The following IGSF5 variants were observed in gnomAD, a reference collection of about 807,000 sequenced individuals.
IGSF5 encodes immunoglobulin superfamily member 5.
In IGSF5, 41 loss-of-function variants were observed where a neutral mutation model predicts 39.4. That is an observed-to-expected ratio of 1.04 (90% CI 0.81 to 1.35). The LOEUF (loss-of-function observed/expected upper bound fraction) is 1.35, where lower values mean the gene tolerates loss of function less well. Ranked by LOEUF, IGSF5 falls within the 40% of genes most tolerant of loss-of-function variation. The pLI is 0.00. For missense variants in IGSF5, 487 were observed against 494.6 expected (o/e 0.98, Z 0.15); for synonymous variants, 183 against 175.3 (o/e 1.04, Z -0.34).
chr21:39,767,946 A>C (rs529842755), intron 3 of IGSF5, among the ~76,000 whole-genome samples: 4 of 152,382 alleles, frequency 2.6e-5, no homozygotes, highest in African/African-American at 9.6e-5. Flanking sequence ...AGGGAAACAC[A>C]GGATCACAGG....
At chr21:39,752,139 C>A (rs2080008723) in intron 2 of IGSF5, among the ~76,000 whole-genome samples, 1 of 152,064 alleles carries the variant, frequency 6.6e-6, no homozygotes, top group Non-Finnish European at 1.5e-5. Context: ...GTACACTGTG[C>A]CTAATATGTA....
chr21:39,716,834 A>G, the IGSF5 span, among the ~76,000 whole-genome samples: 1 of 152,172 alleles, frequency 6.6e-6, no homozygotes, highest in Non-Finnish European at 1.5e-5. Flanking sequence ...TTTATGGCAG[A>G]ATTATTTATA....
chr21:39,798,098 T>C (rs534144221), intron 8 of IGSF5, among the ~76,000 whole-genome samples: 1 of 152,278 alleles, frequency 6.6e-6, no homozygotes, highest in South Asian at 2.1e-4. Flanking sequence ...AGATTTATGG[T>C]CTTCACCTCT....
the IGSF5 span, among the ~76,000 whole-genome samples, chr21:39,726,253 A>G: frequency 1.3e-5 from 2 of 152,168 alleles, no homozygotes; most frequent in East Asian, 3.9e-4. Flanking sequence ...AGTTTTCTCC[A>G]TGATTTAGCC....
chr21:39,745,376 A>G lies in IGSF5; in HGVS notation c.-134A>G. ...AGGGCTTCCTTAGATCCCTTTGGAG[A>G]TACAACCTGCTAGAGGAAATGAAAG... is the stretch of plus-strand genomic sequence containing the variant. On this transcript the variant is annotated 5_prime_UTR_variant, in exon 1 of 9. Coordinates refer to ENST00000380588, the MANE Select transcript of IGSF5 (RefSeq NM_001080444.2). The G allele has an allele frequency of 1.6e-6, 1 of 613,328 alleles. No homozygotes were observed. The highest frequency in any genetic ancestry group is 1.8e-5 in the South Asian group (1 of 55,242). The allele number at this position is 613,328 out of a possible 1,614,324, so 38.0% of individuals were successfully genotyped here.
chr21:39,728,966 T>G, the IGSF5 span, among the ~76,000 whole-genome samples: 1 of 152,182 alleles, frequency 6.6e-6, no homozygotes, highest in Non-Finnish European at 1.5e-5. Flanking sequence ...TCTACATTCT[T>G]TCTAAATACC....
intron 2 of IGSF5, among the ~76,000 whole-genome samples, chr21:39,761,898 C>T (rs911385425): frequency 6.6e-6 from 1 of 152,120 alleles, no homozygotes; most frequent in Non-Finnish European, 1.5e-5. Flanking sequence ...GAACTCCTGG[C>T]CTCAAGTGAT....
At chr21:39,716,033 A>C in the IGSF5 span, among the ~76,000 whole-genome samples, 1 of 152,202 alleles carries the variant, frequency 6.6e-6, no homozygotes, top group Non-Finnish European at 1.5e-5. Flanking sequence ...CACACTGATA[A>C]TTGTAGGAAC....
chr21:39,753,269 T>G (rs1255853299), intron 2 of IGSF5, among the ~76,000 whole-genome samples: 1 of 152,218 alleles, frequency 6.6e-6, no homozygotes, highest in East Asian at 1.9e-4. Context: ...CAATTTATTT[T>G]TTTTGTATGC....
Position 39,762,156 on chromosome 21 carries a change from A to G in IGSF5, c.101-3379A>G, listed in dbSNP as rs972836860. Among the ~76,000 whole-genome samples the G allele has an allele frequency of 7.9e-5, 12 of 152,152 alleles. No homozygotes were observed. In the East Asian group the frequency reaches 2.3e-3, roughly 29 times the overall value. On this transcript the variant is annotated intron_variant, in intron 2 of 8. Coordinates refer to ENST00000380588, the MANE Select transcript of IGSF5 (RefSeq NM_001080444.2). ...AATCGTGTAGCCAGCAGAGGCCAGG[A>G]TGTTGTGTTGGGTGACTGTGGACAA...
intron 8 of IGSF5, 71 bp downstream of exon 8, chr21:39,793,684 AT>A: frequency 8.1e-7 from 1 of 1,232,420 alleles, no homozygotes; most frequent in Non-Finnish European, 1.2e-6. Context: ...GTTGTGGGTG[AT>A]TATAAAATGG....
chr21:39,781,473 A>G (rs917824867), intron 5 of IGSF5, among the ~76,000 whole-genome samples: 1 of 152,216 alleles, frequency 6.6e-6, no homozygotes, highest in Non-Finnish European at 1.5e-5. Flanking sequence ...ATGGAGGTGT[A>G]GCTTTTGGGT....
chr21:39,797,079 A>G (rs1408050963), intron 8 of IGSF5, among the ~76,000 whole-genome samples: 2 of 152,216 alleles, frequency 1.3e-5, no homozygotes, highest in Admixed American at 1.3e-4. Flanking sequence ...TTGACTACAC[A>G]CAGGCTAGTC....
At chr21:39,714,763 G>T in the IGSF5 span, among the ~76,000 whole-genome samples, 1 of 152,202 alleles carries the variant, frequency 6.6e-6, no homozygotes, top group African/African-American at 2.4e-5. Flanking sequence ...ATGGGTTAGG[G>T]CTCACCCTAG....
At position 39,776,145 on chromosome 21, in the gene IGSF5, T is replaced by C. The variant is rs1053568842; in HGVS notation, c.719-2945T>C. 5.3e-5 allele frequency among the ~76,000 whole-genome samples: 8 copies of C among 152,190 alleles called. No individual in the cohort carries two copies. In the East Asian group the frequency reaches 7.7e-4, roughly 15 times the overall value. On this transcript the variant is annotated intron_variant, in intron 4 of 8. Coordinates refer to ENST00000380588, the MANE Select transcript of IGSF5 (RefSeq NM_001080444.2). ...CAGTATACAGTAAATGCACTCTTTT[T>C]AAAAAAATTAGCTCCATACTAAACA...
chr21:39,791,352 T>C (rs2086964079), intron 6 of IGSF5, among the ~76,000 whole-genome samples: 4 of 152,252 alleles, frequency 2.6e-5, no homozygotes, highest in Admixed American at 2.0e-4. Context: ...TACATATTTA[T>C]ACATATCCTT....
At chr21:39,759,903 T>C (rs1322564702) in intron 2 of IGSF5, among the ~76,000 whole-genome samples, 2 of 149,374 alleles carry the variant, frequency 1.3e-5, no homozygotes. Context: ...ATACGTGCTG[T>C]CTTGAGGGTA....
intron 4 of IGSF5, among the ~76,000 whole-genome samples, chr21:39,775,422 T>C (rs141810461): frequency 1.3e-5 from 2 of 152,352 alleles, no homozygotes; most frequent in East Asian, 3.9e-4. Flanking sequence ...TTGCACATGA[T>C]AGTGGTGACA....
At chr21:39,745,137 C>T (rs1391613838), upstream of IGSF5, among the ~76,000 whole-genome samples, 1 of 148,778 alleles carries the variant, frequency 6.7e-6, no homozygotes, top group Non-Finnish European at 1.5e-5. Context: ...ACCTGCCTCT[C>T]TGTCTCTCTC....
Sources: gnomAD v4.1 joint callset for allele counts (sites outside exome capture counted in the v4.1 genomes callset) on GRCh38, gnomAD v4.1.1 for gene constraint, MANE v1.5 for transcripts, NCBI Gene and HGNC (gene_info 2026-07-23, HGNC 2026-07-21) for gene names.